Variants in RERE observed in about 807,000 individuals in gnomAD.
RERE encodes arginine-glutamic acid dipeptide repeats, also known as arginine-glutamic acid dipeptide repeats protein.
RERE carries 40 observed loss-of-function variants against 146.1 expected under a neutral mutation model. The ratio of observed to expected loss-of-function variants is 0.27; its 90% CI spans 0.21 to 0.36. RERE has a LOEUF of 0.36. Among genes scored for constraint, RERE ranks in the 10% least tolerant of loss-of-function variants. The pLI is 1.00. For synonymous variants in RERE, 1,003 were observed against 866.0 expected (o/e 1.16, Z -2.78); for missense variants, 1,933 against 2,138.7 (o/e 0.90, Z 1.90).
At chr1:8,620,503 CTATT>C (rs1431774377) in intron 3 of RERE, among the ~76,000 whole-genome samples, 7 of 152,078 alleles carry the variant, frequency 4.6e-5, no homozygotes, top group Non-Finnish European at 1.0e-4. Flanking sequence ...CTTGAATTAT[CTATT>C]CACCTTTCCC....
At chr1:8,530,846 C>T (rs989305743) in intron 7 of RERE, among the ~76,000 whole-genome samples, 5 of 150,840 alleles carry the variant, frequency 3.3e-5, no homozygotes, top group Non-Finnish European at 7.4e-5. Context: ...CGCCCGCCAC[C>T]GCGCCCGGCT....
chr1:8,529,931 C>T (rs1341751592), intron 7 of RERE, among the ~76,000 whole-genome samples: 1 of 152,174 alleles, frequency 6.6e-6, no homozygotes, highest in Non-Finnish European at 1.5e-5. Context: ...CTACTCAGTG[C>T]TTAAGGGCAT....
At chr1:8,578,089 C>T (rs1201670109) in intron 4 of RERE, among the ~76,000 whole-genome samples, 1 of 147,846 alleles carries the variant, frequency 6.8e-6, no homozygotes, top group Non-Finnish European at 1.5e-5. Context: ...GGACTCCATC[C>T]GGGAAAGAAA....
chr1:8,672,763 T>C (rs914995021), intron 1 of RERE, among the ~76,000 whole-genome samples: 3 of 152,212 alleles, frequency 2.0e-5, no homozygotes, highest in Non-Finnish European at 4.4e-5. Context: ...TCAATCTTAT[T>C]GTAACTTCAC....
At chr1:8,787,546 TG>T (rs1641280207) in intron 1 of RERE, among the ~76,000 whole-genome samples, 1 of 152,198 alleles carries the variant, frequency 6.6e-6, no homozygotes, top group Non-Finnish European at 1.5e-5. Flanking sequence ...AACAGTGCTT[TG>T]GCCAGGCACA....
intron 8 of RERE, among the ~76,000 whole-genome samples, chr1:8,501,227 C>G (rs866168366): frequency 2.6e-5 from 2 of 77,532 alleles, no homozygotes; most frequent in African/African-American, 1.1e-4. Flanking sequence ...GCCCCCCGCC[C>G]GGCCGGCCGC....
At chr1:8,476,862 TAACA>T (rs1478621333) in intron 10 of RERE, among the ~76,000 whole-genome samples, 2 of 152,174 alleles carry the variant, frequency 1.3e-5, no homozygotes, top group Admixed American at 6.5e-5. Context: ...TTCCTTCACT[TAACA>T]AAGATTTTTT....
chr1:8,612,081 A>T (rs1207618611), intron 4 of RERE, among the ~76,000 whole-genome samples: 1 of 152,284 alleles, frequency 6.6e-6, no homozygotes, highest in East Asian at 1.9e-4. Flanking sequence ...TCATTAGTGT[A>T]GAAACACAGA....
At chr1:8,774,636 G>A (rs994805349) in intron 1 of RERE, among the ~76,000 whole-genome samples, 7 of 152,060 alleles carry the variant, frequency 4.6e-5, no homozygotes, top group Non-Finnish European at 1.0e-4. Context: ...CTACAGGCAT[G>A]AGTCACCACA....
chr1:8,762,856 AG>A (rs1409794459), intron 1 of RERE, among the ~76,000 whole-genome samples: 1 of 152,198 alleles, frequency 6.6e-6, no homozygotes, highest in Non-Finnish European at 1.5e-5. Context: ...ACATAAATGA[AG>A]ACTAGGAGCT....
intron 1 of RERE, chr1:8,750,875 G>T: frequency 1.2e-6 from 1 of 822,306 alleles, no homozygotes. Context: ...TCTGAAGTCA[G>T]TAAATGAACT....
rs1406509402 is a variant in RERE, at chr1:8,352,445, A to C, written c.*2642T>G. On this transcript the variant is annotated 3_prime_UTR_variant, in exon 23 of 23. Transcript: ENST00000400908. ...TTTTATTTATGTCCACAAATATTTC[A>C]AAAAAATTACAAAATACTCAAATGG... The C allele has an allele frequency of 3.3e-5, 5 of 152,430 alleles. No individual in the cohort carries two copies. In the East Asian group the frequency reaches 9.6e-4, roughly 29 times the overall value. 9.4% of individuals were successfully genotyped at this position (152,430 alleles called of 1,614,324 possible).
intron 4 of RERE, among the ~76,000 whole-genome samples, chr1:8,606,657 G>C (rs965197151): frequency 6.6e-6 from 1 of 152,056 alleles, no homozygotes; most frequent in Non-Finnish European, 1.5e-5. Flanking sequence ...CTTTTAATCA[G>C]CTAGCATGAT....
chr1:8,591,051 T>C (rs535121120), intron 4 of RERE, among the ~76,000 whole-genome samples: 38 of 152,310 alleles, frequency 2.5e-4, no homozygotes, highest in Admixed American at 9.8e-4. Context: ...GCTTCCCAAA[T>C]GTGTGTTCAC....
intron 12 of RERE, among the ~76,000 whole-genome samples, chr1:8,419,190 A>G (rs1490231825): frequency 6.6e-6 from 1 of 152,190 alleles, no homozygotes. Flanking sequence ...CCATGACACT[A>G]AAAGATTTGA....
intron 12 of RERE, among the ~76,000 whole-genome samples, chr1:8,422,461 C>T (rs1039816518): frequency 2.6e-5 from 4 of 152,198 alleles, no homozygotes; most frequent in Non-Finnish European, 2.9e-5. Context: ...ACAACTAACC[C>T]TCTGTTCCCA....
At position 8,557,443 on chromosome 1, in the gene RERE, C is replaced by T. The variant is rs1312443815; in HGVS notation, c.603G>A (p.Leu201=). ...SEVPDSVYQH[L]VQDRHNENDS... ...CATTTTCATTATGTCGATCCTGAAC[C>T]AAATGCTGATACACAGAATCTGGAA... Residue 201 remains leucine (L), a synonymous_variant, in exon 5 of 23, where the codon TTG becomes TTA. Coordinates refer to ENST00000400908, the MANE Select transcript of RERE (RefSeq NM_001042681.2). The T allele has an allele frequency of 3.7e-6, 6 of 1,610,958 alleles. No individual in the cohort carries two copies. The highest frequency in any genetic ancestry group is 1.7e-5 in the Admixed American group (1 of 59,998).
chr1:8,398,778 G>T (rs989278395), intron 12 of RERE, among the ~76,000 whole-genome samples: 11 of 152,074 alleles, frequency 7.2e-5, no homozygotes, highest in African/African-American at 2.4e-4. Flanking sequence ...CTGGCACAGG[G>T]CCTTGCTATA....
chr1:8,702,539 A>G (rs1407501893), intron 1 of RERE, among the ~76,000 whole-genome samples: 1 of 152,198 alleles, frequency 6.6e-6, no homozygotes, highest in Non-Finnish European at 1.5e-5. Context: ...ACTCTGGCAA[A>G]ATAACAGTAG....
Sources: allele counts gnomAD v4.1 joint callset (sites outside exome capture counted in the v4.1 genomes callset), GRCh38; gene constraint gnomAD v4.1.1; transcripts MANE v1.5; gene names NCBI Gene and HGNC (gene_info 2026-07-23, HGNC 2026-07-21).